GPC5: variants seen among roughly 807,000 people sequenced by gnomAD.
GPC5 encodes glypican 5.
Under a neutral mutation model 53.9 loss-of-function variants are expected in GPC5, and 47 were observed. The ratio of observed to expected loss-of-function variants is 0.87; its 90% CI spans 0.69 to 1.11. GPC5 has a LOEUF of 1.11. Among genes scored for constraint, GPC5 ranks in the 50% most tolerant of loss-of-function variants. The probability of loss-of-function intolerance (pLI) is 0.00; values close to 1 mark genes in which losing one functional copy is unlikely to be tolerated. For synonymous variants in GPC5, 286 were observed against 263.3 expected (o/e 1.09, Z -0.84); for missense variants, 748 against 713.1 (o/e 1.05, Z -0.56).
chr13:92,119,849 T>C (rs192551944), intron 6 of GPC5, among the ~76,000 whole-genome samples: 2 of 152,216 alleles, frequency 1.3e-5, no homozygotes, highest in East Asian at 1.9e-4. Flanking sequence ...TTGTATTAAG[T>C]GTATTCTCTC....
chr13:92,798,503 T>C (rs1286891012), intron 7 of GPC5, among the ~76,000 whole-genome samples: 1 of 151,924 alleles, frequency 6.6e-6, no homozygotes, highest in Non-Finnish European at 1.5e-5. Context: ...AGGAAAATTA[T>C]TCAGTTTGCC....
intron 7 of GPC5, among the ~76,000 whole-genome samples, chr13:92,146,675 C>T (rs1385086215): frequency 6.6e-6 from 1 of 151,936 alleles, no homozygotes; most frequent in African/African-American, 2.4e-5. Context: ...CCACTGTTTC[C>T]CCCAATCCCC....
intron 2 of GPC5, among the ~76,000 whole-genome samples, chr13:91,474,267 A>G (rs1025534405): frequency 2.0e-5 from 3 of 152,148 alleles, no homozygotes; most frequent in Admixed American, 6.6e-5. Context: ...TTGTTTATAG[A>G]AGATCTTGGA....
intron 6 of GPC5, among the ~76,000 whole-genome samples, chr13:92,127,317 ATATG>A (rs1179260242): frequency 6.6e-6 from 1 of 151,728 alleles, no homozygotes; most frequent in East Asian, 1.9e-4. Flanking sequence ...ATGTGTATAT[ATATG>A]TGTATGTGTA....
At chr13:92,496,743 T>A (rs1156634396) in intron 7 of GPC5, among the ~76,000 whole-genome samples, 2 of 151,842 alleles carry the variant, frequency 1.3e-5, no homozygotes, top group Admixed American at 6.6e-5. Context: ...AGAGGAGAGG[T>A]CTCATGAGTT....
At chr13:91,651,087 T>C (rs2034697761) in intron 2 of GPC5, among the ~76,000 whole-genome samples, 1 of 152,142 alleles carries the variant, frequency 6.6e-6, no homozygotes, top group Admixed American at 6.5e-5. Context: ...ACTGCCTTAA[T>C]ATATAAAGGT....
At chr13:92,516,797 G>C (rs1315836242) in intron 7 of GPC5, among the ~76,000 whole-genome samples, 1 of 152,142 alleles carries the variant, frequency 6.6e-6, no homozygotes, top group African/African-American at 2.4e-5. Context: ...TGAGGTACCA[G>C]GTTCATCTCA....
At chr13:92,084,447 C>T (rs113561907) in intron 6 of GPC5, among the ~76,000 whole-genome samples, 3,609 of 152,180 alleles carry the variant, frequency 0.024, 143 homozygotes, top group African/African-American at 0.084. Flanking sequence ...TGGTCTTGGC[C>T]AAGAGTCAGT....
intron 7 of GPC5, among the ~76,000 whole-genome samples, chr13:92,399,876 AC>A (rs1479402426): frequency 1.3e-5 from 2 of 152,192 alleles, no homozygotes; most frequent in African/African-American, 4.8e-5. Flanking sequence ...CACACTGGAT[AC>A]TTACTTGTTT....
intron 2 of GPC5, among the ~76,000 whole-genome samples, chr13:91,631,621 C>G (rs2034160242): frequency 6.6e-6 from 1 of 152,000 alleles, no homozygotes; most frequent in South Asian, 2.1e-4. Flanking sequence ...TGTGGGTAGG[C>G]AACGCTCAAA....
chr13:92,128,999 T>C (rs540564259), intron 6 of GPC5, among the ~76,000 whole-genome samples: 1 of 152,122 alleles, frequency 6.6e-6, no homozygotes, highest in East Asian at 1.9e-4. Context: ...TCTTCAAGAA[T>C]ACCAAAGCAA....
chr13:92,334,340 A>C (rs963269477), intron 7 of GPC5, among the ~76,000 whole-genome samples: 1 of 152,066 alleles, frequency 6.6e-6, no homozygotes, highest in Admixed American at 6.6e-5. Flanking sequence ...ATTCATTATC[A>C]TGAGAACAGC....
chr13:91,726,472 G>T (rs2036578252), intron 3 of GPC5, among the ~76,000 whole-genome samples: 1 of 152,088 alleles, frequency 6.6e-6, no homozygotes, highest in South Asian at 2.1e-4. Context: ...CCTTAGCCTG[G>T]CATTTAAAGC....
chr13:92,175,520 A>G (rs1033092774), intron 7 of GPC5, among the ~76,000 whole-genome samples: 3 of 152,126 alleles, frequency 2.0e-5, no homozygotes, highest in African/African-American at 7.2e-5. Context: ...CTAAGAGCTG[A>G]ATTGCTTTCA....
At chr13:91,802,729 A>G (rs1378125596) in intron 5 of GPC5, among the ~76,000 whole-genome samples, 2 of 152,098 alleles carry the variant, frequency 1.3e-5, no homozygotes, top group Non-Finnish European at 2.9e-5. Context: ...TTCACCTTTC[A>G]CTAGCATGTG....
At chr13:91,685,940 A>G (rs1273190673) in intron 2 of GPC5, among the ~76,000 whole-genome samples, 5 of 151,872 alleles carry the variant, frequency 3.3e-5, no homozygotes, top group South Asian at 4.1e-4. Flanking sequence ...TAAAAAAAAA[A>G]AACAAAGAAA....
intron 6 of GPC5, among the ~76,000 whole-genome samples, chr13:92,077,240 T>C (rs1283549761): frequency 6.6e-6 from 1 of 152,224 alleles, no homozygotes; most frequent in Admixed American, 6.5e-5. Flanking sequence ...GAGGGCTGTG[T>C]CATGTGCCAC....
chr13:91,539,302 G>C (rs2029863813), intron 2 of GPC5, among the ~76,000 whole-genome samples: 2 of 149,670 alleles, frequency 1.3e-5, no homozygotes, highest in African/African-American at 2.6e-5. Context: ...TTTAAAAAGT[G>C]AGTGGGGAAA....
At chr13:92,788,211 TAGGA>T (rs1462429613) in intron 7 of GPC5, among the ~76,000 whole-genome samples, 7 of 151,926 alleles carry the variant, frequency 4.6e-5, no homozygotes, top group Non-Finnish European at 1.0e-4. Flanking sequence ...TTACAAGAAA[TAGGA>T]ACATGTCCAT....
Sources: gnomAD v4.1 joint callset for allele counts (sites outside exome capture counted in the v4.1 genomes callset) on GRCh38, gnomAD v4.1.1 for gene constraint, MANE v1.5 for transcripts, NCBI Gene and HGNC (gene_info 2026-07-23, HGNC 2026-07-21) for gene names.